PAPPA2: variants seen among roughly 807,000 people sequenced by gnomAD.
The protein encoded by PAPPA2 is pappalysin 2, also known as pappalysin-2.
PAPPA2 carries 86 observed loss-of-function variants against 176.4 expected under a neutral mutation model. The observed-to-expected ratio is 0.49, with a 90% CI of 0.41 to 0.58. PAPPA2 has a LOEUF of 0.58. PAPPA2 is among the 20% of genes least tolerant of loss of function. The pLI is 0.00. For synonymous variants in PAPPA2, 809 were observed against 852.2 expected (o/e 0.95, Z 0.88); for missense variants, 2,073 against 2,256.9 (o/e 0.92, Z 1.65).
chr1:176,556,303 T>C lies in PAPPA2; in HGVS notation c.-20T>C, dbSNP rs762868695. 3.1e-6 allele frequency: 5 copies of C among 1,603,766 alleles called. No individual in the cohort carries two copies. The highest frequency in any genetic ancestry group is 4.3e-6 in the Non-Finnish European group (5 of 1,174,312). On this transcript the variant is annotated 5_prime_UTR_variant, in exon 2 of 23. Coordinates refer to ENST00000367662, the MANE Select transcript of PAPPA2 (RefSeq NM_020318.3). Reference sequence around the variant, plus strand: ...ACCCAGAAGTTGACTTCTGGTTCTGTAGAAAGAGCTAGGGGAGGTATGATG... The same window carrying C: ...ACCCAGAAGTTGACTTCTGGTTCTGCAGAAAGAGCTAGGGGAGGTATGATG...
intron 1 of PAPPA2, among the ~76,000 whole-genome samples, chr1:176,504,945 C>T (rs536372258): frequency 5.3e-5 from 8 of 152,194 alleles, no homozygotes; most frequent in South Asian, 2.1e-4. Context: ...GAGAATAAAA[C>T]GTAGTTATCT....
chr1:176,554,864 T>C (rs745560160), intron 1 of PAPPA2, among the ~76,000 whole-genome samples: 2 of 151,922 alleles, frequency 1.3e-5, no homozygotes, highest in Non-Finnish European at 2.9e-5. Context: ...TTGAACAAAG[T>C]AAGAAAAAAT....
At position 176,697,765 on chromosome 1, in the gene PAPPA2, T is replaced by A. The variant is rs550060043; in HGVS notation, c.2747-1335T>A. 3.9e-5 allele frequency among the ~76,000 whole-genome samples: 6 copies of A among 152,292 alleles called. No homozygotes were observed. In the East Asian group the frequency reaches 1.2e-3, roughly 29 times the overall value. ...TATCATTACTACTTAATATTATACT[T>A]TATATTCTTTTATGTATTTATTGTT... On this transcript the variant is annotated intron_variant, in intron 7 of 22. Transcript: ENST00000367662.
chr1:176,469,702 C>G (rs184762309), intron 1 of PAPPA2, among the ~76,000 whole-genome samples: 1 of 152,262 alleles, frequency 6.6e-6, no homozygotes, highest in Admixed American at 6.5e-5. Flanking sequence ...TGTTTTATAG[C>G]AAGACTCTGC....
chr1:176,761,854 G>C (rs1049803865), intron 14 of PAPPA2, among the ~76,000 whole-genome samples: 1 of 152,218 alleles, frequency 6.6e-6, no homozygotes, highest in Non-Finnish European at 1.5e-5. Context: ...GCATTGTAAG[G>C]CTTCACTTCT....
At chr1:176,625,164 G>C (rs1406535203) in intron 3 of PAPPA2, among the ~76,000 whole-genome samples, 1 of 152,186 alleles carries the variant, frequency 6.6e-6, no homozygotes. Context: ...GGCTCACTCT[G>C]ACCCACTGGA....
chr1:176,655,910 C>T (rs1658006834), intron 3 of PAPPA2, among the ~76,000 whole-genome samples: 1 of 151,770 alleles, frequency 6.6e-6, no homozygotes, highest in African/African-American at 2.4e-5. Flanking sequence ...TATACCTTTT[C>T]CTGGGCCAGA....
In PAPPA2 at chr1:176,474,392, A is replaced by T. The variant is rs142507882; in HGVS notation, c.-917+10974A>T. Among the ~76,000 whole-genome samples the T allele has an allele frequency of 8.6e-4, 131 of 152,356 alleles. 1 individual carries two copies. The highest frequency in any genetic ancestry group is 3.0e-3 in the African/African-American group (125 of 41,590). ...GAAGTGACACACATCCTTCCCGTCC[A>T]TAGCTCATTGACCAGCGCTGGTCAT... On this transcript the variant is annotated intron_variant, in intron 1 of 22. Transcript: ENST00000367662.
At chr1:176,480,666 G>A (rs1319968537) in intron 1 of PAPPA2, among the ~76,000 whole-genome samples, 1 of 152,102 alleles carries the variant, frequency 6.6e-6, no homozygotes, top group South Asian at 2.1e-4. Flanking sequence ...CACTCTTGAG[G>A]GGCATACACA....
intron 21 of PAPPA2, among the ~76,000 whole-genome samples, chr1:176,820,892 C>A (rs1666638776): frequency 6.6e-6 from 1 of 152,182 alleles, no homozygotes; most frequent in African/African-American, 2.4e-5. Flanking sequence ...TACGATACTT[C>A]ATGCATGGGA....
chr1:176,706,445 G>A lies in PAPPA2; in HGVS notation c.3452G>A (p.Cys1151Tyr). Residue 1151 changes from cysteine to tyrosine, a missense_variant, in exon 10 of 23, where the codon TGT (cysteine) becomes TAT (tyrosine). Cys to Tyr is a radical substitution (Grantham distance 194). Coordinates refer to ENST00000367662, the MANE Select transcript of PAPPA2 (RefSeq NM_020318.3). ...TGTGAGCTGGAGGAAGGTTTCAACT[G>A]TGTAGGTAAGTTCAAGAGTTTCAGT... ...KVCELEEGFNCVGEPSLCYMY... is the reference protein window; with the variant it reads ...KVCELEEGFNYVGEPSLCYMY... 1.2e-6 allele frequency: 2 copies of A among 1,613,154 alleles called. No individual in the cohort carries two copies. Among genetic ancestry groups the A allele is most frequent in the Non-Finnish European group, 8.5e-7 (1 of 1,179,350 alleles).
intron 12 of PAPPA2, among the ~76,000 whole-genome samples, chr1:176,722,564 C>A (rs534579696): frequency 6.6e-6 from 1 of 151,864 alleles, no homozygotes; most frequent in South Asian, 2.1e-4. Flanking sequence ...CTGCTAAAAA[C>A]TCTTCTTAGT....
chr1:176,610,079 C>T lies in PAPPA2; in HGVS notation c.1991+14484C>T, dbSNP rs569519466. ...CACCCTTCCCCATAGGGAATCTGTA[C>T]CCTATCTCCCCTCAGAGGCCTCTTT... is the stretch of plus-strand genomic sequence containing the variant. On this transcript the variant is annotated intron_variant, in intron 3 of 22. Transcript: ENST00000367662. 5.3e-5 allele frequency among the ~76,000 whole-genome samples: 8 copies of T among 152,226 alleles called. No individual in the cohort carries two copies. In the South Asian group the frequency reaches 1.7e-3, roughly 32 times the overall value.
chr1:176,669,651 C>T (rs1042101895), intron 3 of PAPPA2, among the ~76,000 whole-genome samples: 7 of 152,150 alleles, frequency 4.6e-5, no homozygotes, highest in Non-Finnish European at 8.8e-5. Context: ...TTTAAAAGCC[C>T]TTTTCTCCTA....
chr1:176,813,656 G>T (rs369053488), intron 21 of PAPPA2, among the ~76,000 whole-genome samples: 36 of 152,164 alleles, frequency 2.4e-4, no homozygotes, highest in African/African-American at 8.2e-4. Context: ...TTGTAAATTT[G>T]TTTAAGTTCC....
At chr1:176,649,942 T>TATCA (rs1449704513) in intron 3 of PAPPA2, among the ~76,000 whole-genome samples, 5 of 151,660 alleles carry the variant, frequency 3.3e-5, no homozygotes, top group Admixed American at 2.6e-4. Context: ...TTAACTCTGA[T>TATCA]GTTTCTTTGT....
At chr1:176,816,040 T>C (rs1212916467) in intron 21 of PAPPA2, among the ~76,000 whole-genome samples, 1 of 151,042 alleles carries the variant, frequency 6.6e-6, no homozygotes, top group Non-Finnish European at 1.5e-5. Context: ...TCTTTGTAGC[T>C]ATCTTATTTA....
At chr1:176,496,111 C>A (rs1288412998) in intron 1 of PAPPA2, among the ~76,000 whole-genome samples, 1 of 152,028 alleles carries the variant, frequency 6.6e-6, no homozygotes, top group African/African-American at 2.4e-5. Context: ...TATTATTATA[C>A]TTTAAGTTTT....
chr1:176,812,984 C>T (rs1666222663), intron 21 of PAPPA2, among the ~76,000 whole-genome samples: 2 of 152,034 alleles, frequency 1.3e-5, no homozygotes. Context: ...GTTGTTCCCC[C>T]ATTCTGTTCA....
Sources: allele counts gnomAD v4.1 joint callset (sites outside exome capture counted in the v4.1 genomes callset), GRCh38; gene constraint gnomAD v4.1.1; transcripts MANE v1.5; gene names NCBI Gene and HGNC (gene_info 2026-07-23, HGNC 2026-07-21).